Variants in PLCL1 observed in about 807,000 individuals in gnomAD.
The protein encoded by PLCL1 is phospholipase C like 1 (inactive).
In PLCL1, 41 loss-of-function variants were observed where a neutral mutation model predicts 84.4. The observed-to-expected ratio is 0.49, with a 90% CI of 0.38 to 0.63. The LOEUF (loss-of-function observed/expected upper bound fraction) is 0.63, where lower values mean the gene tolerates loss of function less well. PLCL1 is among the 30% of genes least tolerant of loss of function. The pLI is 0.00. For synonymous variants in PLCL1, 490 were observed against 488.3 expected, an observed-to-expected ratio of 1.00 and a Z score of -0.05; for missense variants, 1,206 against 1,367.8, an observed-to-expected ratio of 0.88 and a Z score of 1.87.
intron 1 of PLCL1, among the ~76,000 whole-genome samples, chr2:197,830,857 G>A (rs1329366217): frequency 2.0e-5 from 3 of 152,148 alleles, no homozygotes; most frequent in African/African-American, 7.2e-5. Flanking sequence ...AAGAGAGTGA[G>A]GGCTGATATT....
intron 1 of PLCL1, among the ~76,000 whole-genome samples, chr2:197,897,708 G>T (rs747130862): frequency 1.3e-5 from 2 of 152,158 alleles, no homozygotes; most frequent in African/African-American, 2.4e-5. Flanking sequence ...AGGTGAATAT[G>T]CATTAAAGGA....
chr2:197,889,839 T>C (rs1230673149), intron 1 of PLCL1, among the ~76,000 whole-genome samples: 2 of 152,210 alleles, frequency 1.3e-5, no homozygotes, highest in Non-Finnish European at 2.9e-5. Flanking sequence ...TTTATTTTTC[T>C]TTAAGCTATC....
intron 1 of PLCL1, among the ~76,000 whole-genome samples, chr2:197,981,227 A>T (rs892095570): frequency 2.6e-5 from 4 of 152,158 alleles, no homozygotes; most frequent in Non-Finnish European, 4.4e-5. Flanking sequence ...TAAGACACAC[A>T]TGTAGCTTGT....
chr2:198,018,603 C>A (rs553786023), intron 1 of PLCL1, among the ~76,000 whole-genome samples: 2 of 152,306 alleles, frequency 1.3e-5, no homozygotes, highest in Admixed American at 6.5e-5. Context: ...ACAGTGTAAA[C>A]AAAGCCGCCT....
chr2:197,828,628 A>T (rs1168491967), intron 1 of PLCL1, among the ~76,000 whole-genome samples: 1 of 152,176 alleles, frequency 6.6e-6, no homozygotes, highest in East Asian at 1.9e-4. Flanking sequence ...ATTTTGTAAA[A>T]GTATCCATAT....
At chr2:197,964,269 G>A (rs1689683667) in intron 1 of PLCL1, among the ~76,000 whole-genome samples, 1 of 151,868 alleles carries the variant, frequency 6.6e-6, no homozygotes, top group African/African-American at 2.4e-5. Context: ...CCTTTTCCAT[G>A]TCTTTCATAA....
intron 1 of PLCL1, among the ~76,000 whole-genome samples, chr2:197,923,219 C>G: frequency 6.7e-6 from 1 of 149,388 alleles, no homozygotes; most frequent in Non-Finnish European, 1.5e-5. Context: ...GACCCCCCAC[C>G]TCCCTCCCGG....
chr2:197,842,441 A>G (rs1375503577), intron 1 of PLCL1, among the ~76,000 whole-genome samples: 1 of 151,964 alleles, frequency 6.6e-6, no homozygotes, highest in African/African-American at 2.4e-5. Flanking sequence ...TATTATTCTT[A>G]TTCACGATCT....
Position 197,927,838 on chromosome 2 carries a change from G to T in PLCL1, c.240+122499G>T, listed in dbSNP as rs368822474. Among the ~76,000 whole-genome samples, 49 of 152,188 alleles carry T rather than the reference G, an allele frequency of 3.2e-4. 3 individuals are homozygous for T. In the South Asian group the frequency reaches 1.0e-2, roughly 31 times the overall value. ...ATTTTAAGGTTATATTGTTTCTCAG[G>T]AATAACCCAAACAGACACTGATGAC... On this transcript the variant is annotated intron_variant, in intron 1 of 5. Coordinates refer to ENST00000428675, the MANE Select transcript of PLCL1 (RefSeq NM_006226.4).
At chr2:198,101,157 A>G (rs755823586) in intron 3 of PLCL1, 128 bp from the exon 4 acceptor site, 90 of 666,252 alleles carry the variant, frequency 1.4e-4, no homozygotes, top group Non-Finnish European at 2.3e-4. Flanking sequence ...TCTCCCTCCC[A>G]TCTGTTGTGG....
intron 1 of PLCL1, among the ~76,000 whole-genome samples, chr2:197,871,522 T>A (rs1303465814): frequency 6.6e-6 from 1 of 152,104 alleles, no homozygotes; most frequent in Non-Finnish European, 1.5e-5. Flanking sequence ...CCTTGTTGGC[T>A]TAAAACGGAA....
At chr2:198,076,689 T>C (rs1692582534) in intron 1 of PLCL1, among the ~76,000 whole-genome samples, 2 of 152,206 alleles carry the variant, frequency 1.3e-5, no homozygotes, top group African/African-American at 2.4e-5. Context: ...GTATTAACCA[T>C]AAATAAGTGC....
intron 1 of PLCL1, among the ~76,000 whole-genome samples, chr2:197,868,064 C>T (rs1022071233): frequency 2.6e-5 from 4 of 152,054 alleles, no homozygotes; most frequent in African/African-American, 4.8e-5. Flanking sequence ...ATTGAAAGGC[C>T]TATCCACCCG....
chr2:197,965,650 G>A (rs1689714642), intron 1 of PLCL1, among the ~76,000 whole-genome samples: 2 of 151,916 alleles, frequency 1.3e-5, no homozygotes, highest in African/African-American at 4.8e-5. Flanking sequence ...CTTATTTGAA[G>A]TTTTACTTCT....
intron 1 of PLCL1, among the ~76,000 whole-genome samples, chr2:197,867,382 GTA>G (rs1327724504): frequency 4.1e-5 from 6 of 145,092 alleles, no homozygotes; most frequent in Non-Finnish European, 3.1e-5. Flanking sequence ...GGATCTGTAG[GTA>G]TTTTTTTTTT....
chr2:197,914,841 G>A (rs1245656933), intron 1 of PLCL1, among the ~76,000 whole-genome samples: 1 of 152,146 alleles, frequency 6.6e-6, no homozygotes, highest in East Asian at 1.9e-4. Flanking sequence ...ACAACATAAG[G>A]CAATTGCTGC....
intron 1 of PLCL1, among the ~76,000 whole-genome samples, chr2:197,858,692 T>A (rs566020456): frequency 3.9e-5 from 6 of 152,214 alleles, no homozygotes; most frequent in Non-Finnish European, 8.8e-5. Context: ...AAGCACTTTA[T>A]CAGTTATTTA....
intron 1 of PLCL1, among the ~76,000 whole-genome samples, chr2:197,899,534 A>G (rs1688220139): frequency 6.6e-6 from 1 of 152,156 alleles, no homozygotes; most frequent in South Asian, 2.1e-4. Flanking sequence ...GTCTTCAGCT[A>G]GTATAATCTG....
chr2:198,103,322 A>G (rs1489795090), intron 4 of PLCL1, among the ~76,000 whole-genome samples: 1 of 151,966 alleles, frequency 6.6e-6, no homozygotes, highest in Non-Finnish European at 1.5e-5. Flanking sequence ...TAGGAGGTGT[A>G]TATATTTTTG....
Sources: allele counts gnomAD v4.1 joint callset (sites outside exome capture counted in the v4.1 genomes callset), GRCh38; gene constraint gnomAD v4.1.1; transcripts MANE v1.5; gene names NCBI Gene and HGNC (gene_info 2026-07-23, HGNC 2026-07-21).